BMPR1A: variants seen among roughly 807,000 people sequenced by gnomAD.
The protein encoded by BMPR1A is bone morphogenetic protein receptor type 1A.
A neutral mutation model predicts 66.0 loss-of-function variants in BMPR1A; 7 were observed. That is an observed-to-expected ratio of 0.11 (90% CI 0.06 to 0.20). BMPR1A has a LOEUF of 0.20. Among genes scored for constraint, BMPR1A ranks in the 10% least tolerant of loss-of-function variants. The pLI is 1.00. For missense variants in BMPR1A, 408 were observed against 669.1 expected (o/e 0.61, Z 4.31); for synonymous variants, 200 against 229.7 (o/e 0.87, Z 1.17).
chr10:86,913,901 T>G (rs1843525843), intron 8 of BMPR1A, among the ~76,000 whole-genome samples: 1 of 152,186 alleles, frequency 6.6e-6, no homozygotes, highest in African/African-American at 2.4e-5. Flanking sequence ...TAGCAATTGA[T>G]GTATATTCTA....
chr10:86,869,714 G>T (rs539523564), intron 2 of BMPR1A, among the ~76,000 whole-genome samples: 81 of 151,626 alleles, frequency 5.3e-4, no homozygotes, highest in African/African-American at 1.7e-3. Flanking sequence ...CTGAGATGGC[G>T]CCATTGCACT....
At chr10:86,794,867 TAGA>T (rs1014917591) in intron 1 of BMPR1A, among the ~76,000 whole-genome samples, 3 of 151,430 alleles carry the variant, frequency 2.0e-5, no homozygotes, top group Non-Finnish European at 4.4e-5. Flanking sequence ...TTTTTTTTTT[TAGA>T]TAGAGAGTTT....
Position 86,800,387 on chromosome 10 carries a change from A to ATTTTTG in BMPR1A, c.-267-38461_-267-38456dup, listed in dbSNP as rs949803432. On this transcript the variant is annotated intron_variant, in intron 1 of 12. Coordinates refer to ENST00000372037, the MANE Select transcript of BMPR1A (RefSeq NM_004329.3). ...AAAGAGGGAAACCTAAAATAAGGCC[A>ATTTTTG]TTTTTGTTTTTGTTTTTGTTTTGTG... 7.9e-5 allele frequency among the ~76,000 whole-genome samples: 12 copies of ATTTTTG among 152,068 alleles called. No individual in the cohort carries two copies. In the East Asian group the frequency reaches 2.1e-3, roughly 27 times the overall value.
intron 1 of BMPR1A, among the ~76,000 whole-genome samples, chr10:86,796,142 T>G (rs1841706876): frequency 6.6e-6 from 1 of 152,208 alleles, no homozygotes; most frequent in Non-Finnish European, 1.5e-5. Flanking sequence ...TTAATTTGAC[T>G]GTTTTATGTC....
intron 1 of BMPR1A, among the ~76,000 whole-genome samples, chr10:86,815,309 C>A (rs1454802626): frequency 6.6e-6 from 1 of 152,188 alleles, no homozygotes; most frequent in Non-Finnish European, 1.5e-5. Flanking sequence ...CCTCCTCTTT[C>A]CTTTGTTTCT....
chr10:86,932,717 G>T (rs898860357), downstream of BMPR1A: 1 of 152,258 alleles, frequency 6.6e-6, no homozygotes, highest in African/African-American at 2.4e-5. Flanking sequence ...GAGCTTTTCT[G>T]TTTTTGAGCT....
At chr10:86,855,102 A>G (rs1842622395) in intron 2 of BMPR1A, 3 of 266,864 alleles carry the variant, frequency 1.1e-5, no homozygotes, top group South Asian at 2.5e-4. Flanking sequence ...CCAGCTAATT[A>G]TTGTATTTTT....
At chr10:86,789,166 T>C (rs112567461) in intron 1 of BMPR1A, among the ~76,000 whole-genome samples, 11,202 of 152,122 alleles carry the variant, frequency 0.074, 487 homozygotes, top group Non-Finnish European at 0.076. Flanking sequence ...AAAACCTAAA[T>C]GTAAGAGCTA....
intron 1 of BMPR1A, among the ~76,000 whole-genome samples, chr10:86,780,922 C>G (rs950820966): frequency 6.6e-6 from 1 of 151,988 alleles, no homozygotes; most frequent in African/African-American, 2.4e-5. Flanking sequence ...ACCACGTTGC[C>G]CAGGCTGGTC....
At chr10:86,825,247 G>A (rs1842178137) in intron 1 of BMPR1A, among the ~76,000 whole-genome samples, 1 of 151,430 alleles carries the variant, frequency 6.6e-6, no homozygotes, top group East Asian at 1.9e-4. Context: ...AGGATTACAG[G>A]GTTAGCCACC....
At chr10:86,773,614 A>C (rs1043903973) in intron 1 of BMPR1A, among the ~76,000 whole-genome samples, 3 of 151,178 alleles carry the variant, frequency 2.0e-5, no homozygotes, top group Non-Finnish European at 3.0e-5. Flanking sequence ...AAAAAAAAAA[A>C]AAACACAACA....
At chr10:86,871,610 G>A (rs983039288) in intron 2 of BMPR1A, among the ~76,000 whole-genome samples, 4 of 152,042 alleles carry the variant, frequency 2.6e-5, no homozygotes, top group African/African-American at 2.4e-5. Context: ...CCAGGAGTTC[G>A]AGATCAGTCT....
At chr10:86,832,454 G>A (rs868102985) in intron 1 of BMPR1A, among the ~76,000 whole-genome samples, 7 of 141,194 alleles carry the variant, frequency 5.0e-5, no homozygotes, top group Non-Finnish European at 6.1e-5. Context: ...CGACAAGAGC[G>A]AAACTCCGTC....
chr10:86,814,008 A>G (rs986758748), intron 1 of BMPR1A, among the ~76,000 whole-genome samples: 2 of 152,068 alleles, frequency 1.3e-5, no homozygotes, highest in African/African-American at 2.4e-5. Flanking sequence ...TGCTTTGGAA[A>G]GTTTGTTGTT....
intron 2 of BMPR1A, among the ~76,000 whole-genome samples, chr10:86,841,474 AGAG>A (rs1842423105): frequency 6.6e-6 from 1 of 152,212 alleles, no homozygotes; most frequent in Non-Finnish European, 1.5e-5. Flanking sequence ...CAATGTTATG[AGAG>A]GAGAGAATTG....
At chr10:86,804,206 G>T (rs746456445) in intron 1 of BMPR1A, among the ~76,000 whole-genome samples, 1 of 152,052 alleles carries the variant, frequency 6.6e-6, no homozygotes, top group Non-Finnish European at 1.5e-5. Context: ...TTGGGACTTA[G>T]TAATATATGG....
chr10:86,777,650 T>C (rs1841373763), intron 1 of BMPR1A, among the ~76,000 whole-genome samples: 1 of 152,182 alleles, frequency 6.6e-6, no homozygotes, highest in Non-Finnish European at 1.5e-5. Context: ...TGTTACAATA[T>C]TGTTCATTAT....
At chr10:86,767,553 T>A (rs1841186845) in intron 1 of BMPR1A, among the ~76,000 whole-genome samples, 1 of 152,098 alleles carries the variant, frequency 6.6e-6, no homozygotes, top group Admixed American at 6.6e-5. Flanking sequence ...TGGTATGCAC[T>A]TGTAGTCTCA....
intron 2 of BMPR1A, among the ~76,000 whole-genome samples, chr10:86,871,549 C>G (rs142716045): frequency 1.2e-4 from 19 of 152,280 alleles, no homozygotes; most frequent in African/African-American, 3.8e-4. Flanking sequence ...TGGTGGCTCA[C>G]GCCTGTAATC....
Sources: allele counts gnomAD v4.1 joint callset (sites outside exome capture counted in the v4.1 genomes callset), GRCh38; gene constraint gnomAD v4.1.1; transcripts MANE v1.5; gene names NCBI Gene and HGNC (gene_info 2026-07-23, HGNC 2026-07-21).